The following OPCML variants were observed in gnomAD, a reference collection of about 807,000 sequenced individuals.
OPCML encodes the protein opioid binding protein/cell adhesion molecule like, also known as opioid-binding protein/cell adhesion molecule.
OPCML carries 13 observed loss-of-function variants against 37.8 expected under a neutral mutation model. The ratio of observed to expected loss-of-function variants is 0.34; its 90% CI spans 0.22 to 0.55. The LOEUF (loss-of-function observed/expected upper bound fraction) is 0.55. Among genes scored for constraint, OPCML ranks in the 20% least tolerant of loss-of-function variants. The probability of loss-of-function intolerance (pLI) is 0.91; values close to 1 mark genes in which losing one functional copy is unlikely to be tolerated. For missense variants in OPCML, 341 were observed against 435.6 expected (o/e 0.78, Z 1.93); for synonymous variants, 176 against 168.8 (o/e 1.04, Z -0.33).
intron 4 of OPCML, among the ~76,000 whole-genome samples, chr11:132,451,395 G>A (rs1014660992): frequency 6.6e-6 from 1 of 151,800 alleles, no homozygotes. Flanking sequence ...GGGTGGGGGC[G>A]CAGACGGGAG....
chr11:132,878,349 G>C (rs1297381103), intron 2 of OPCML, among the ~76,000 whole-genome samples: 4 of 152,182 alleles, frequency 2.6e-5, no homozygotes, highest in Non-Finnish European at 4.4e-5. Flanking sequence ...AGTAGATTTA[G>C]TAATGCAGAT....
chr11:133,027,470 AGTGTGTGT>A (rs112879269), intron 1 of OPCML, among the ~76,000 whole-genome samples: 4 of 144,902 alleles, frequency 2.8e-5, no homozygotes, highest in Middle Eastern at 3.3e-3. Flanking sequence ...TGGTCTATGT[AGTGTGTGT>A]GTGTGTGTGT....
intron 2 of OPCML, among the ~76,000 whole-genome samples, chr11:132,926,731 C>T (rs943701719): frequency 6.6e-5 from 10 of 151,708 alleles, no homozygotes; most frequent in Non-Finnish European, 8.8e-5. Context: ...TAAGATTTTC[C>T]GGAAGAAACA....
intron 4 of OPCML, among the ~76,000 whole-genome samples, chr11:132,468,816 A>T (rs1329221189): frequency 6.6e-6 from 1 of 152,212 alleles, no homozygotes; most frequent in African/African-American, 2.4e-5. Context: ...CATTTATGGT[A>T]AACGCTGGTG....
At chr11:133,030,337 C>T (rs1298653866) in intron 1 of OPCML, among the ~76,000 whole-genome samples, 1 of 152,194 alleles carries the variant, frequency 6.6e-6, no homozygotes, top group Non-Finnish European at 1.5e-5. Flanking sequence ...CTGCCACATG[C>T]TCACAAACCC....
At position 133,294,110 on chromosome 11, in the gene OPCML, C is replaced by T. The variant is rs187642375; in HGVS notation, c.61+238154G>A. ...TCTGGGATGTGGTGGAAAGAAGCAC[C>T]GCCTCCCTGAAAAAGTCATCACTGT... On this transcript the variant is annotated intron_variant, in intron 1 of 7. Transcript: ENST00000524381. 4.6e-5 allele frequency among the ~76,000 whole-genome samples: 7 copies of T among 151,856 alleles called. No individual in the cohort carries two copies. The South Asian group carries it at 1.0e-3, about 23-fold the overall frequency.
chr11:133,140,763 C>CGAA (rs5795825), intron 1 of OPCML, among the ~76,000 whole-genome samples: 19,750 of 46,754 alleles, frequency 0.42, 4,584 homozygotes, highest in Admixed American at 0.53. Flanking sequence ...AAGAAGACGA[C>CGAA]GAAGAAGAAG....
chr11:132,893,908 C>A (rs1293663734), intron 2 of OPCML, among the ~76,000 whole-genome samples: 6 of 152,168 alleles, frequency 3.9e-5, no homozygotes, highest in Non-Finnish European at 4.4e-5. Flanking sequence ...ATACTTGTTT[C>A]TTGGTCTGGT....
chr11:132,753,543 T>C (rs1326436362), intron 2 of OPCML, among the ~76,000 whole-genome samples: 1 of 152,206 alleles, frequency 6.6e-6, no homozygotes, highest in Non-Finnish European at 1.5e-5. Context: ...TCTAAATAGA[T>C]GTGTACCCAT....
intron 2 of OPCML, among the ~76,000 whole-genome samples, chr11:132,664,903 G>T (rs1243875135): frequency 1.3e-5 from 2 of 152,200 alleles, no homozygotes; most frequent in African/African-American, 2.4e-5. Context: ...CAGAAAAATG[G>T]TGAGGGATAA....
chr11:132,889,633 T>C (rs1943566601), intron 2 of OPCML, among the ~76,000 whole-genome samples: 1 of 152,354 alleles, frequency 6.6e-6, no homozygotes, highest in South Asian at 2.1e-4. Context: ...GCCCAGGGCC[T>C]AATTACAATT....
intron 2 of OPCML, among the ~76,000 whole-genome samples, chr11:132,830,039 G>A (rs1392013287): frequency 2.6e-5 from 4 of 152,242 alleles, no homozygotes; most frequent in East Asian, 1.9e-4. Context: ...ACTTGTCAGC[G>A]TGTATGGCAC....
At chr11:132,748,482 C>A (rs1945719524) in intron 2 of OPCML, among the ~76,000 whole-genome samples, 1 of 152,116 alleles carries the variant, frequency 6.6e-6, no homozygotes, top group Non-Finnish European at 1.5e-5. Context: ...AATAGAACCA[C>A]GTTGATGTTG....
At chr11:132,602,826 C>G (rs528815159) in intron 3 of OPCML, among the ~76,000 whole-genome samples, 1 of 152,196 alleles carries the variant, frequency 6.6e-6, no homozygotes, top group East Asian at 1.9e-4. Context: ...TCGTGGGAAC[C>G]ACATGGGGCC....
chr11:133,349,003 C>T (rs1271789778), intron 1 of OPCML, among the ~76,000 whole-genome samples: 1 of 152,168 alleles, frequency 6.6e-6, no homozygotes, highest in Non-Finnish European at 1.5e-5. Context: ...GGTGCGGGGG[C>T]TTCGTCATGG....
At chr11:132,818,514 C>T (rs1165288764) in intron 2 of OPCML, among the ~76,000 whole-genome samples, 2 of 151,548 alleles carry the variant, frequency 1.3e-5, no homozygotes, top group Non-Finnish European at 1.5e-5. Flanking sequence ...TCCAGCCTGC[C>T]GCCCACCCTG....
At chr11:132,889,753 A>G (rs1943571820) in intron 2 of OPCML, among the ~76,000 whole-genome samples, 1 of 152,224 alleles carries the variant, frequency 6.6e-6, no homozygotes, top group South Asian at 2.1e-4. Context: ...ATCACACTTC[A>G]ATTAGTACAG....
intron 3 of OPCML, among the ~76,000 whole-genome samples, chr11:132,588,651 C>G (rs1279750756): frequency 6.6e-6 from 1 of 152,164 alleles, no homozygotes; most frequent in Non-Finnish European, 1.5e-5. Context: ...AACTGAGTTT[C>G]TCTATGGGAA....
At chr11:132,544,348 G>T (rs961682586) in intron 3 of OPCML, among the ~76,000 whole-genome samples, 2 of 152,050 alleles carry the variant, frequency 1.3e-5, no homozygotes, top group Non-Finnish European at 2.9e-5. Flanking sequence ...AGGAACTAAG[G>T]CTCCCATTCC....
Sources: gnomAD v4.1 joint callset for allele counts (sites outside exome capture counted in the v4.1 genomes callset) on GRCh38, gnomAD v4.1.1 for gene constraint, MANE v1.5 for transcripts, NCBI Gene and HGNC (gene_info 2026-07-23, HGNC 2026-07-21) for gene names.